Variants in TMEM134 observed in about 807,000 individuals in gnomAD.
The protein encoded by TMEM134 is transmembrane protein 134.
Under a neutral mutation model 26.2 loss-of-function variants are expected in TMEM134, and 36 were observed. The ratio of observed to expected loss-of-function variants is 1.37; its 90% CI spans 1.05 to 1.81. TMEM134 has a LOEUF of 1.81. Among genes scored for constraint, TMEM134 ranks in the 40% most tolerant of loss-of-function variants. The pLI, the probability that TMEM134 is intolerant of heterozygous loss-of-function variation, is 0.00. For synonymous variants in TMEM134, 133 were observed against 113.6 expected (o/e 1.17, Z -1.08); for missense variants, 339 against 263.5 (o/e 1.29, Z -1.98).
chr11:67,468,177 C>A (rs542593433), intron 1 of TMEM134, 85 bp from the exon 2 acceptor site: 83 of 1,315,212 alleles, frequency 6.3e-5, no homozygotes, highest in Middle Eastern at 5.4e-4. Context: ...CAGGCCTACA[C>A]AACCATTTGC....
rs996493448 is a variant in TMEM134 at position 67,464,822 on chromosome 11, G to C, written c.486C>G (p.Phe162Leu). The stretch of plus-strand genomic sequence containing the variant: ...TCGCACCTCCAGGCACCAACAACAG[G>C]AAGCCCGGCACGAAGAAGATGGCGC... Reference protein sequence around the residue: ...VSSAIFFVPGFLLLVPGVYHV... With the variant: ...VSSAIFFVPGLLLLVPGVYHV... Residue 162 changes from phenylalanine to leucine, a missense_variant, in exon 6 of 7, where the codon TTC becomes TTG. Phe to Leu is a conservative substitution (Grantham distance 22). Transcript: ENST00000308022. 15 of 1,610,192 alleles carry C rather than the reference G, an allele frequency of 9.3e-6. No individual in the cohort carries two copies. The highest frequency in any genetic ancestry group is 1.3e-5 in the Non-Finnish European group (15 of 1,179,640).
rs749087007 is a variant in TMEM134, at chr11:67,465,084, G to A, written c.423C>T (p.Gly141=). The A allele has an allele frequency of 2.5e-6, 4 of 1,586,426 alleles. No homozygotes were observed. The highest frequency in any genetic ancestry group is 2.3e-5 in the South Asian group (2 of 88,152). ...GAGAGGGGGTCGCCTCCAGTCCCAC[G>A]CCGACCAGGATCAGCACTGCACACA... The part of the protein sequence containing the change: ...LLLGLVLILV[G]VGLEATPSPG... The change falls in exon 5 of 7, where the codon GGC becomes GGT. Residue 141 remains glycine, a synonymous_variant. Transcript: ENST00000308022.
chr11:67,467,346 C>G lies in TMEM134; in HGVS notation c.372G>C (p.Val124=). 6.2e-7 allele frequency: 1 copy of G among 1,613,890 alleles called. No individual in the cohort carries two copies. Among genetic ancestry groups the G allele is most frequent in the Admixed American group, 1.7e-5 (1 of 60,020 alleles). Residue 124 remains valine (V), a synonymous_variant, in exon 4 of 7, where the codon GTG becomes GTC. Coordinates refer to ENST00000308022, the MANE Select transcript of TMEM134 (RefSeq NM_025124.4). ...HPLIQKNRRV[V]LASFLLLLLG... ...GCAGCAGGAGCAGGAAGGAGGCCAG[C>G]ACCACTCGGCGGTTCTTCTGGATCA...
chr11:67,468,159 G>A (rs1865401221), intron 1 of TMEM134, 67 bp from the exon 2 acceptor site: 1 of 1,437,854 alleles, frequency 7.0e-7, no homozygotes. Context: ...CTCCCGGGAA[G>A]AGAAAAGCAG....
chr11:67,468,900 C>A, intron 1 of TMEM134, 119 bp downstream of exon 1: 3 of 1,006,694 alleles, frequency 3.0e-6, no homozygotes, highest in Non-Finnish European at 4.0e-6. Context: ...GGCGGGGGGG[C>A]GGTCTCGCGC....
At chr11:67,467,915 T>C in intron 2 of TMEM134, 113 bp downstream of exon 2, 1 of 1,023,186 alleles carries the variant, frequency 9.8e-7, no homozygotes, top group South Asian at 1.5e-5. Flanking sequence ...AGGCTAGGAA[T>C]CAATAGGACG....
In TMEM134 at chr11:67,463,052, C is replaced by T. The variant is rs1305728348; in HGVS notation, c.*1562G>A. The T allele has an allele frequency of 6.6e-6, 1 of 152,156 alleles. No homozygotes were observed. The highest frequency in any genetic ancestry group is 1.5e-5 in the Non-Finnish European group (1 of 68,040). The allele number at this position is 152,156 out of a possible 1,614,324, so 9.4% of individuals were successfully genotyped here. A position where few individuals can be genotyped will look rare whatever the true frequency, so the allele number is the denominator to read the frequency against. ...TTAGAAATGAAAACTGGTCCTTTAC[C>T]ATAGCTAGTTGGGGGACCACTGGTT... On this transcript the variant is annotated 3_prime_UTR_variant, in exon 7 of 7. Transcript: ENST00000308022.
At chr11:67,465,293 T>A (rs1865183856) in intron 4 of TMEM134, 193 bp from the exon 5 acceptor site, 2 of 1,407,002 alleles carry the variant, frequency 1.4e-6, no homozygotes, top group South Asian at 3.0e-5. Flanking sequence ...AAGGAGAGAT[T>A]TTTCTTTGTT....
intron 1 of TMEM134, among the ~76,000 whole-genome samples, chr11:67,468,392 G>T (rs1324226735): frequency 3.9e-5 from 6 of 152,222 alleles, no homozygotes; most frequent in Admixed American, 1.3e-4. Context: ...TTGGGAATTG[G>T]GGTGCCAGGA....
chr11:67,469,027 G>A lies in TMEM134; in HGVS notation c.166C>T (p.Arg56Cys). 1 of 1,505,774 alleles carries A rather than the reference G, an allele frequency of 6.6e-7. No homozygotes were observed. 93.3% of individuals were successfully genotyped at this position (1,505,774 alleles called of 1,614,324 possible). A position where few individuals can be genotyped will look rare whatever the true frequency, so the allele number is the denominator to read the frequency against. The change falls in exon 1 of 7, where the codon CGC becomes TGC. Residue 56 changes from arginine to cysteine, a missense_variant. By Grantham distance (180) the Arg-to-Cys change is radical. Transcript: ENST00000308022. ...TGGGCCGGGCGGTTCACCTGGTAGC[G>A]CAGCCGGGACTGCTTGTCCTCGTCA... ...VADEDKQSRL[R>C]YQNLENDEDG...
intron 4 of TMEM134, chr11:67,465,391 A>G: frequency 1.7e-6 from 1 of 602,046 alleles, no homozygotes; most frequent in East Asian, 5.3e-5. Context: ...TGAAGGGCAG[A>G]TAAGGTCCCT....
At chr11:67,467,021 C>T (rs1360950955) in intron 4 of TMEM134, 1 of 489,180 alleles carries the variant, frequency 2.0e-6, no homozygotes, top group East Asian at 3.8e-5. Context: ...ATGGTAGCTG[C>T]TACTCTTCTG....
chr11:67,464,654 C>G lies in TMEM134; in HGVS notation c.548G>C (p.Arg183Pro), dbSNP rs757529072. 26 of 1,553,812 alleles carry G rather than the reference C, an allele frequency of 1.7e-5. No homozygotes were observed. Among genetic ancestry groups the G allele is most frequent in the Non-Finnish European group, 2.2e-5 (25 of 1,148,170 alleles). The change falls in exon 7 of 7, where the codon CGG becomes CCG. Residue 183 changes from arginine to proline, a missense_variant. Arg to Pro is a moderately radical substitution (Grantham distance 103). Coordinates refer to ENST00000308022, the MANE Select transcript of TMEM134 (RefSeq NM_025124.4). ...GGGCAGGTAGAAGAACTGGAAGCCC[C>G]GGTGGCCCTTGACCGCGCAGTAGAT... ...IFIYCAVKGH[R>P]GFQFFYLPYF... is the part of the protein sequence containing the mutation.
Position 67,465,113 on chromosome 11 carries a change from G to T in TMEM134, c.407-13C>A. ...ACCAGGATCAGCACTGCACACAGAC[G>T]GAGCCGCGGGGGTGGGGGCAGGAGC... On this transcript the variant is annotated splice_polypyrimidine_tract_variant and intron_variant, in intron 4 of 6. Transcript: ENST00000308022. 6.4e-7 allele frequency: 1 copy of T among 1,571,044 alleles called. No individual in the cohort carries two copies. Among genetic ancestry groups the T allele is most frequent in the Non-Finnish European group, 8.6e-7 (1 of 1,163,892 alleles).
chr11:67,469,193 G>A lies in TMEM134; in HGVS notation c.-1C>T, dbSNP rs1255605422. On this transcript the variant is annotated 5_prime_UTR_variant, in exon 1 of 7. Transcript: ENST00000308022. The stretch of plus-strand genomic sequence containing the variant: ...TGAACTGGGGCCGGGCGGCGCTCAT[G>A]GCCCCGGCCCGCTCAGGCGCCGTGC... 20 of 1,297,712 alleles carry A rather than the reference G, an allele frequency of 1.5e-5. No homozygotes were observed. The highest frequency in any genetic ancestry group is 2.3e-4 in the Middle Eastern group (1 of 4,416). 80.4% of individuals were successfully genotyped at this position (1,297,712 alleles called of 1,614,324 possible).
In TMEM134 at chr11:67,464,632, C is replaced by T. The variant is rs1477540483; in HGVS notation, c.570G>A (p.Leu190=). 6 of 1,552,936 alleles carry T rather than the reference C, an allele frequency of 3.9e-6. No individual in the cohort carries two copies. The highest frequency in any genetic ancestry group is 4.4e-6 in the Non-Finnish European group (5 of 1,147,588). The change falls in exon 7 of 7, where the codon CTG becomes CTA. Residue 190 remains leucine (L), a synonymous_variant. Coordinates refer to ENST00000308022, the MANE Select transcript of TMEM134 (RefSeq NM_025124.4). Reference sequence around the variant, plus strand: ...GCCGCGATCACTTCTCGAAGTAGGGCAGGTAGAAGAACTGGAAGCCCCGGT... The same window carrying T: ...GCCGCGATCACTTCTCGAAGTAGGGTAGGTAGAAGAACTGGAAGCCCCGGT... ...KGHRGFQFFY[L]PYFEK
chr11:67,467,625 G>T, intron 2 of TMEM134, 35 bp from the exon 3 acceptor site: 1 of 1,604,500 alleles, frequency 6.2e-7, no homozygotes, highest in East Asian at 2.2e-5. Flanking sequence ...GGGCAGGGAG[G>T]CAAGGACGGG....
intron 2 of TMEM134, 25 bp downstream of exon 2, chr11:67,468,003 G>C: frequency 6.4e-7 from 1 of 1,551,060 alleles, no homozygotes; most frequent in Non-Finnish European, 8.7e-7. Context: ...TGGGGTACAG[G>C]GTTGGGTCCC....
rs1157515723 is a variant in TMEM134 at position 67,469,060 on chromosome 11, C to G, written c.133G>C (p.Glu45Gln). Residue 45 changes from glutamate (E) to glutamine (Q), a missense_variant, in exon 1 of 7, where the codon GAG becomes CAG. Coordinates refer to ENST00000308022, the MANE Select transcript of TMEM134 (RefSeq NM_025124.4). ...GACTGCTTGTCCTCGTCAGCCACCT[C>G]GAACCGGGCCCGACGCTCGAAGTGC... The part of the protein sequence containing the change: ...PLHFERRARF[E>Q]VADEDKQSRL... The G allele has an allele frequency of 1.3e-6, 2 of 1,517,008 alleles. No individual in the cohort carries two copies. The highest frequency in any genetic ancestry group is 1.8e-6 in the Non-Finnish European group (2 of 1,133,612). The allele number at this position is 1,517,008 out of a possible 1,614,324, so 94.0% of individuals were successfully genotyped here.
Sources: allele counts gnomAD v4.1 joint callset (sites outside exome capture counted in the v4.1 genomes callset), GRCh38; gene constraint gnomAD v4.1.1; transcripts MANE v1.5; gene names NCBI Gene and HGNC (gene_info 2026-07-23, HGNC 2026-07-21).